AMOTL1: variants seen among roughly 807,000 people sequenced by gnomAD.
AMOTL1 encodes angiomotin-like protein 1.
Under a neutral mutation model 102.9 loss-of-function variants are expected in AMOTL1, and 45 were observed. The ratio of observed to expected loss-of-function variants is 0.44; its 90% CI spans 0.34 to 0.56. AMOTL1 has a LOEUF of 0.56. Among genes scored for constraint, AMOTL1 ranks in the 20% least tolerant of loss-of-function variants. The pLI is 0.01. For synonymous variants in AMOTL1, 481 were observed against 484.7 expected (o/e 0.99, Z 0.10); for missense variants, 1,114 against 1,225.6 (o/e 0.91, Z 1.36).
chr11:94,749,099 G>A (rs185160945), intron 3 of AMOTL1, among the ~76,000 whole-genome samples: 141 of 152,308 alleles, frequency 9.3e-4, no homozygotes, highest in African/African-American at 3.2e-3. Flanking sequence ...GAGAAGTCCC[G>A]TGACAGGCTG....
intron 1 of AMOTL1, among the ~76,000 whole-genome samples, chr11:94,773,435 G>A (rs952129735): frequency 6.6e-6 from 1 of 152,126 alleles, no homozygotes; most frequent in Middle Eastern, 3.2e-3. Context: ...CATCTATTAG[G>A]TCTCGAATAT....
At chr11:94,733,908 A>G (rs920155489) in intron 2 of AMOTL1, among the ~76,000 whole-genome samples, 2 of 152,298 alleles carry the variant, frequency 1.3e-5, no homozygotes, top group Non-Finnish European at 2.9e-5. Context: ...TTCTTGGCTC[A>G]GCCAGATTTT....
At chr11:94,754,670 C>T (rs1950699877) in intron 3 of AMOTL1, among the ~76,000 whole-genome samples, 2 of 152,170 alleles carry the variant, frequency 1.3e-5, no homozygotes, top group Admixed American at 1.3e-4. Flanking sequence ...TGACATTCCA[C>T]ACTGTTTACC....
chr11:94,729,064 G>A lies in AMOTL1; in HGVS notation c.85+9G>A, dbSNP rs990924125. The A allele has an allele frequency of 6.8e-5, 88 of 1,288,520 alleles. 1 individual carries two copies. The highest frequency in any genetic ancestry group is 2.2e-4 in the East Asian group (4 of 18,020). The allele number at this position is 1,288,520 out of a possible 1,614,324, so 79.8% of individuals were successfully genotyped here. Reference sequence around the variant, plus strand: ...TGCCAGCACCAGAGCGGGTAAGGCCGTTTTTGATGTCCCTGATAGCATGGT... The same window carrying A: ...TGCCAGCACCAGAGCGGGTAAGGCCATTTTTGATGTCCCTGATAGCATGGT... On this transcript the variant is annotated intron_variant, in intron 2 of 4. Coordinates refer to the AMOTL1 transcript ENST00000299004.
At chr11:94,866,441 A>G (rs1425168376) in intron 11 of AMOTL1, 1 of 451,972 alleles carries the variant, frequency 2.2e-6, no homozygotes, top group Admixed American at 3.5e-5. Flanking sequence ...CCCTTATAAC[A>G]CAAAAGGCTC....
chr11:94,804,465 C>A (rs1951533956), intron 3 of AMOTL1, among the ~76,000 whole-genome samples: 1 of 152,056 alleles, frequency 6.6e-6, no homozygotes, highest in Admixed American at 6.6e-5. Flanking sequence ...TTTTGTAATT[C>A]TTTTTTGGTA....
chr11:94,856,362 G>A (rs1030556235), intron 8 of AMOTL1, among the ~76,000 whole-genome samples: 5 of 152,042 alleles, frequency 3.3e-5, no homozygotes, highest in Non-Finnish European at 7.4e-5. Context: ...AAATCCACTG[G>A]AAACATCTTG....
At chr11:94,811,245 C>T (rs1951676614) in intron 3 of AMOTL1, among the ~76,000 whole-genome samples, 1 of 152,084 alleles carries the variant, frequency 6.6e-6, no homozygotes, top group Non-Finnish European at 1.5e-5. Flanking sequence ...GTAATCCCAG[C>T]ACTTTGGGAG....
rs375328462 is a variant in AMOTL1 at position 94,831,480 on chromosome 11, A to G, written c.1587A>G (p.Leu529=). The G allele has an allele frequency of 9.9e-6, 16 of 1,613,770 alleles. No homozygotes were observed. The highest frequency in any genetic ancestry group is 1.4e-5 in the Non-Finnish European group (16 of 1,179,782). ...RDRLETANRQ[L]SSREYEGHED... ...GACTAGAGACTGCTAACAGGCAACT[A>G]TCCAGCAGGGAATACGAAGGGCATG... The change falls in exon 6 of 13, where the codon CTA becomes CTG. Residue 529 remains leucine (L), a synonymous_variant. Transcript: ENST00000433060.
intron 1 of AMOTL1, among the ~76,000 whole-genome samples, chr11:94,771,591 A>G (rs900013565): frequency 6.6e-6 from 1 of 152,022 alleles, no homozygotes; most frequent in African/African-American, 2.4e-5. Flanking sequence ...GGAGAGGTAC[A>G]ATGTAAATCT....
intron 3 of AMOTL1, among the ~76,000 whole-genome samples, chr11:94,743,167 A>G (rs910536246): frequency 1.3e-5 from 2 of 152,190 alleles, no homozygotes; most frequent in East Asian, 3.8e-4. Flanking sequence ...AGCTTCTTTA[A>G]TAGACATGTT....
At chr11:94,858,811 G>C (rs2135726838) in intron 8 of AMOTL1, among the ~76,000 whole-genome samples, 1 of 152,236 alleles carries the variant, frequency 6.6e-6, no homozygotes, top group Middle Eastern at 3.4e-3. Context: ...CTAATTAAAG[G>C]AAAAAGATTC....
At chr11:94,712,355 G>C (rs189817016) in intron 1 of AMOTL1, among the ~76,000 whole-genome samples, 1 of 152,070 alleles carries the variant, frequency 6.6e-6, no homozygotes, top group African/African-American at 2.4e-5. Flanking sequence ...CACTCAAGAT[G>C]AATTAAAGAT....
intron 3 of AMOTL1, among the ~76,000 whole-genome samples, chr11:94,742,346 A>G (rs1217506543): frequency 6.6e-6 from 1 of 152,208 alleles, no homozygotes; most frequent in African/African-American, 2.4e-5. Context: ...CAGCATTGAC[A>G]CTCCACAGTG....
intron 1 of AMOTL1, 35 bp from the exon 2 acceptor site, chr11:94,794,976 G>A: frequency 6.3e-7 from 1 of 1,575,274 alleles, no homozygotes; most frequent in South Asian, 1.2e-5. Context: ...AGGACTTGAT[G>A]GGCACTCATA....
At chr11:94,732,065 C>T (rs577234268) in intron 2 of AMOTL1, among the ~76,000 whole-genome samples, 2 of 152,310 alleles carry the variant, frequency 1.3e-5, no homozygotes, top group South Asian at 4.1e-4. Flanking sequence ...CATCTTTCCT[C>T]GACACTCCAT....
At chr11:94,832,444 T>A (rs1952091882) in intron 6 of AMOTL1, among the ~76,000 whole-genome samples, 1 of 152,252 alleles carries the variant, frequency 6.6e-6, no homozygotes, top group Non-Finnish European at 1.5e-5. Flanking sequence ...CAATACTGTT[T>A]GGTTAGGTTT....
intron 4 of AMOTL1, 84 bp from the exon 5 acceptor site, chr11:94,829,959 CCTTCACA>C: frequency 7.8e-7 from 1 of 1,285,100 alleles, no homozygotes; most frequent in Non-Finnish European, 1.1e-6. Flanking sequence ...GAAGATACAG[CCTTCACA>C]CTGGCAATGT....
intron 6 of AMOTL1, among the ~76,000 whole-genome samples, chr11:94,837,152 G>A (rs149296431): frequency 6.6e-6 from 1 of 152,156 alleles, no homozygotes; most frequent in Non-Finnish European, 1.5e-5. Flanking sequence ...AGTTTTGTAG[G>A]TCCAGGCTCC....
Sources: gnomAD v4.1 joint callset for allele counts (sites outside exome capture counted in the v4.1 genomes callset) on GRCh38, gnomAD v4.1.1 for gene constraint, MANE v1.5 for transcripts, NCBI Gene and HGNC (gene_info 2026-07-23, HGNC 2026-07-21) for gene names.